ZNF704: variants seen among roughly 807,000 people sequenced by gnomAD.
ZNF704 encodes glucocorticoid induced gene 1.
In ZNF704, 10 loss-of-function variants were observed where a neutral mutation model predicts 44.7. The ratio of observed to expected loss-of-function variants is 0.22; its 90% CI spans 0.14 to 0.38. The LOEUF (loss-of-function observed/expected upper bound fraction) is 0.38, where lower values mean the gene tolerates loss of function less well. ZNF704 is among the 10% of genes least tolerant of loss of function. The pLI, the probability that ZNF704 is intolerant of heterozygous loss-of-function variation, is 1.00. For synonymous variants in ZNF704, 211 were observed against 207.6 expected (o/e 1.02, Z -0.14); for missense variants, 390 against 545.5 (o/e 0.71, Z 2.84).
intron 2 of ZNF704, among the ~76,000 whole-genome samples, chr8:80,727,880 C>T (rs1321453193): frequency 1.3e-5 from 2 of 152,132 alleles, no homozygotes; most frequent in Admixed American, 6.5e-5. Flanking sequence ...ACATTGCCTG[C>T]ATTAGTATCA....
At chr8:80,806,802 A>G (rs1374377867) in intron 2 of ZNF704, among the ~76,000 whole-genome samples, 1 of 152,204 alleles carries the variant, frequency 6.6e-6, no homozygotes, top group African/African-American at 2.4e-5. Context: ...AAAGGCTGAC[A>G]CCAAACAGAG....
At chr8:80,736,946 T>TA (rs1472703413) in intron 2 of ZNF704, among the ~76,000 whole-genome samples, 1 of 151,668 alleles carries the variant, frequency 6.6e-6, no homozygotes, top group Non-Finnish European at 1.5e-5. Context: ...TTTTTTTTTT[T>TA]AAAAAGCTCA....
At chr8:80,876,742 C>T (rs1809361310), upstream of ZNF704, among the ~76,000 whole-genome samples, 1 of 152,130 alleles carries the variant, frequency 6.6e-6, no homozygotes, top group African/African-American at 2.4e-5. Context: ...CTGGGACAAG[C>T]TAGGGTTTAT....
intron 2 of ZNF704, among the ~76,000 whole-genome samples, chr8:80,817,748 T>C (rs1254011426): frequency 1.3e-5 from 2 of 152,240 alleles, no homozygotes; most frequent in African/African-American, 4.8e-5. Context: ...CAATTGTCCC[T>C]ATCTTGAAAA....
In ZNF704 at chr8:80,631,593, TCA is replaced by T. The variant is rs1234599983; in HGVS notation, c.*9771_*9772del. On this transcript the variant is annotated 3_prime_UTR_variant, in exon 9 of 9. Transcript: ENST00000327835. ...ACCCAGCTCACATTCCTGGTTCTGA[TCA>T]CTCTATTAGCCTCGCACGTGGAGAG... 1 of 152,260 alleles carries T rather than the reference TCA, an allele frequency of 6.6e-6. No homozygotes were observed. Among genetic ancestry groups the T allele is most frequent in the African/African-American group, 2.4e-5 (1 of 41,460 alleles). The allele number at this position is 152,260 out of a possible 1,614,324, so 9.4% of individuals were successfully genotyped here. A position where few individuals can be genotyped will look rare whatever the true frequency, so the allele number is the denominator to read the frequency against.
chr8:80,702,611 A>G (rs1818829032), intron 2 of ZNF704, among the ~76,000 whole-genome samples: 1 of 152,096 alleles, frequency 6.6e-6, no homozygotes, highest in Non-Finnish European at 1.5e-5. Context: ...GAGGGAAAAG[A>G]TGGGGACAAA....
At chr8:80,777,026 T>C (rs1807424832) in intron 2 of ZNF704, 1 of 152,186 alleles carries the variant, frequency 6.6e-6, no homozygotes, top group African/African-American at 2.4e-5. Flanking sequence ...ACTGTAATTC[T>C]GCATTTTTTC....
chr8:80,780,688 C>T (rs947647141), intron 2 of ZNF704, among the ~76,000 whole-genome samples: 29 of 152,142 alleles, frequency 1.9e-4, no homozygotes, highest in Non-Finnish European at 3.5e-4. Context: ...AGGGGCAATG[C>T]GATCACTGGG....
intron 2 of ZNF704, among the ~76,000 whole-genome samples, chr8:80,764,661 T>C (rs540617013): frequency 1.1e-4 from 16 of 152,338 alleles, no homozygotes; most frequent in African/African-American, 3.8e-4. Context: ...CTGCAAATTT[T>C]CTATGTATAT....
In ZNF704 at chr8:80,743,191, C is replaced by CAAAAAAA. The variant is rs59886049; in HGVS notation, c.222-50091_222-50085dup. 5.4e-3 allele frequency among the ~76,000 whole-genome samples: 192 copies of CAAAAAAA among 35,774 alleles called. 3 individuals are homozygous for CAAAAAAA. The highest frequency in any genetic ancestry group is 0.017 in the African/African-American group (169 of 9,826). 23.5% of individuals were successfully genotyped at this position (35,774 alleles called of 152,430 possible). On this transcript the variant is annotated intron_variant, in intron 2 of 8. Coordinates refer to ENST00000327835, the MANE Select transcript of ZNF704 (RefSeq NM_001033723.3). ...TTCACTCTATTACATCTTGCAACTG[C>CAAAAAAA]AAAAAAAAAAAAAAAAAAAAAAAAA...
At chr8:80,715,201 C>T (rs1387269457) in intron 2 of ZNF704, among the ~76,000 whole-genome samples, 5 of 152,302 alleles carry the variant, frequency 3.3e-5, no homozygotes, top group South Asian at 4.1e-4. Context: ...GATGCATTTT[C>T]GGACACTATT....
intron 2 of ZNF704, among the ~76,000 whole-genome samples, chr8:80,773,707 G>A (rs764250439): frequency 6.6e-6 from 1 of 152,096 alleles, no homozygotes; most frequent in African/African-American, 2.4e-5. Flanking sequence ...ATGAATGCTG[G>A]ATTGACAGTT....
chr8:80,703,025 C>T (rs959013078), intron 2 of ZNF704, among the ~76,000 whole-genome samples: 2 of 152,130 alleles, frequency 1.3e-5, no homozygotes, highest in South Asian at 4.2e-4. Flanking sequence ...TGGTAACAGC[C>T]GCGGGGACAC....
chr8:80,697,602 G>A (rs1818745767), intron 2 of ZNF704, among the ~76,000 whole-genome samples: 1 of 152,226 alleles, frequency 6.6e-6, no homozygotes, highest in Admixed American at 6.5e-5. Context: ...TACCACCTGT[G>A]TGACCTTGGG....
chr8:80,649,359 G>A (rs1817878957), intron 7 of ZNF704, among the ~76,000 whole-genome samples: 1 of 152,186 alleles, frequency 6.6e-6, no homozygotes, highest in Non-Finnish European at 1.5e-5. Flanking sequence ...GCCGAAGCAG[G>A]ATGAGGCATC....
intron 4 of ZNF704, among the ~76,000 whole-genome samples, chr8:80,679,162 C>T (rs890817519): frequency 2.0e-5 from 3 of 152,108 alleles, no homozygotes; most frequent in African/African-American, 7.2e-5. Context: ...GAGTCCTGCA[C>T]CACCCCCTAC....
intron 4 of ZNF704, among the ~76,000 whole-genome samples, chr8:80,672,111 A>T (rs1818291013): frequency 6.6e-6 from 1 of 152,244 alleles, no homozygotes; most frequent in Admixed American, 6.5e-5. Context: ...GTCAAAGGAC[A>T]TGAACAGACA....
intron 2 of ZNF704, among the ~76,000 whole-genome samples, chr8:80,708,502 T>C (rs1818931410): frequency 6.6e-6 from 1 of 152,246 alleles, no homozygotes; most frequent in African/African-American, 2.4e-5. Flanking sequence ...GCAGCTACTA[T>C]TTAACATTTC....
chr8:80,706,088 G>A (rs776410757), intron 2 of ZNF704, among the ~76,000 whole-genome samples: 11 of 152,274 alleles, frequency 7.2e-5, no homozygotes, highest in East Asian at 3.9e-4. Context: ...TAAATGTCAC[G>A]ATTATTCTCA....
Sources: allele counts gnomAD v4.1 joint callset (sites outside exome capture counted in the v4.1 genomes callset), GRCh38; gene constraint gnomAD v4.1.1; transcripts MANE v1.5; gene names NCBI Gene and HGNC (gene_info 2026-07-23, HGNC 2026-07-21).